Variants in CCDC180 observed in about 807,000 individuals in gnomAD.
The protein encoded by CCDC180 is coiled-coil domain containing 180, also known as coiled-coil domain-containing protein 180.
In CCDC180, 154 loss-of-function variants were observed where a neutral mutation model predicts 209.2. That is an observed-to-expected ratio of 0.74 (90% CI 0.65 to 0.84). CCDC180 has a LOEUF of 0.84. CCDC180 is among the 40% of genes least tolerant of loss of function. The probability of loss-of-function intolerance (pLI) is 0.00; values close to 1 mark genes in which losing one functional copy is unlikely to be tolerated. For missense variants in CCDC180, 1,874 were observed against 1,997.3 expected (o/e 0.94, Z 1.18); for synonymous variants, 778 against 749.1 (o/e 1.04, Z -0.63).
intron 34 of CCDC180, chr9:97,374,180 C>T: frequency 5.2e-6 from 1 of 193,762 alleles, no homozygotes; most frequent in Non-Finnish European, 1.1e-5. Flanking sequence ...CGTGTTTGTT[C>T]CAGGGGAGGT....
At chr9:97,345,291 G>A (rs899134852) in intron 19 of CCDC180, among the ~76,000 whole-genome samples, 1 of 152,202 alleles carries the variant, frequency 6.6e-6, no homozygotes, top group African/African-American at 2.4e-5. Flanking sequence ...GATACTACAA[G>A]GAGTTTTCAA....
rs572224361 is a variant in CCDC180, at chr9:97,370,979, C to T, written c.4488+201C>T. ...TTTTTTTTTTTTTTTTTTTTTGAGA[C>T]GGAGTCTCGCTCTGTCGCCCAGGCC... On this transcript the variant is annotated intron_variant, in intron 33 of 36. Transcript: ENST00000529487. 2.2e-5 allele frequency: 6 copies of T among 271,132 alleles called. No homozygotes were observed. In the Admixed American group the frequency reaches 3.6e-4, roughly 16 times the overall value. The allele number at this position is 271,132 out of a possible 1,614,324, so 16.8% of individuals were successfully genotyped here. A position where few individuals can be genotyped will look rare whatever the true frequency, so the allele number is the denominator to read the frequency against.
At chr9:97,373,770 G>T (rs1005266211) in intron 34 of CCDC180, 14 of 152,248 alleles carry the variant, frequency 9.2e-5, no homozygotes, top group Non-Finnish European at 7.3e-5. Context: ...CTGGATCAAA[G>T]TGTGTACAGA....
chr9:97,323,045 T>C (rs1202003425), intron 12 of CCDC180, 124 bp downstream of exon 12: 2 of 685,738 alleles, frequency 2.9e-6, no homozygotes, highest in African/African-American at 3.6e-5. Context: ...CCACACACCC[T>C]TTAGCCTCCA....
rs1024559073 is a variant in CCDC180, at chr9:97,359,884, C to T, written c.3364-98C>T. ...AGCCTCCATTAAGCCAAGAGGTATC[C>T]TCATCAGCCCAGCCCCTGTTCCCGC... On this transcript the variant is annotated intron_variant, in intron 25 of 36. Coordinates refer to ENST00000529487, the MANE Select transcript of CCDC180 (RefSeq NM_020893.6). 24 of 1,488,418 alleles carry T rather than the reference C, an allele frequency of 1.6e-5. No homozygotes were observed. The African/African-American group carries it at 2.8e-4, about 17-fold the overall frequency. The allele number at this position is 1,488,418 out of a possible 1,614,324, so 92.2% of individuals were successfully genotyped here.
At chr9:97,371,499 C>A in intron 33 of CCDC180, 96 bp from the exon 34 acceptor site, 1 of 681,416 alleles carries the variant, frequency 1.5e-6, no homozygotes, top group Non-Finnish European at 2.5e-6. Flanking sequence ...GCTTGGGTCC[C>A]CAGATCTCCC....
intron 26 of CCDC180, 53 bp from the exon 27 acceptor site, chr9:97,361,673 G>C (rs1826755982): frequency 2.5e-6 from 4 of 1,578,210 alleles, no homozygotes; most frequent in Non-Finnish European, 2.6e-6. Context: ...CTGCTGCCTC[G>C]CTGGCACCTG....
intron 19 of CCDC180, chr9:97,345,760 T>C (rs1291439003): frequency 8.6e-6 from 2 of 233,878 alleles, no homozygotes; most frequent in African/African-American, 4.7e-5. Flanking sequence ...CAAAAAAAAA[T>C]TAAATTATAT....
intron 24 of CCDC180, among the ~76,000 whole-genome samples, chr9:97,355,515 T>C (rs750829434): frequency 2.0e-5 from 3 of 152,230 alleles, no homozygotes; most frequent in Non-Finnish European, 4.4e-5. Context: ...TGCATCCTGC[T>C]AAGCAACTTA....
At chr9:97,340,814 G>A (rs758732998) in intron 18 of CCDC180, among the ~76,000 whole-genome samples, 7 of 152,094 alleles carry the variant, frequency 4.6e-5, no homozygotes, top group African/African-American at 1.2e-4. Context: ...CCCTTTCCCC[G>A]GGGGAGTTTA....
In CCDC180 at chr9:97,376,884, T is replaced by C. The variant is rs1827274375; in HGVS notation, c.4964T>C (p.Leu1655Pro). 4 of 1,611,676 alleles carry C rather than the reference T, an allele frequency of 2.5e-6. No individual in the cohort carries two copies. The highest frequency in any genetic ancestry group is 3.4e-6 in the Non-Finnish European group (4 of 1,179,628). ...CAGTCCCTGCACACTATCCAAGGCC[T>C]GTATGTGTGACCCTCCGCCCCACCA... is the stretch of plus-strand genomic sequence containing the variant. ...WKQSLHTIQGLYV is the reference protein window; with the variant it reads ...WKQSLHTIQGPYV Residue 1655 changes from leucine to proline, a missense_variant, in exon 37 of 37, where the codon CTG becomes CCG. Leu to Pro is a moderately conservative substitution (Grantham distance 98, BLOSUM62 -3). Coordinates refer to ENST00000529487, the MANE Select transcript of CCDC180 (RefSeq NM_020893.6).
intron 33 of CCDC180, 33 bp from the exon 34 acceptor site, chr9:97,371,562 C>T: frequency 7.0e-7 from 1 of 1,422,624 alleles, no homozygotes; most frequent in Non-Finnish European, 9.8e-7. Context: ...TGATCCTCTC[C>T]TAGCAGCACT....
intron 3 of CCDC180, among the ~76,000 whole-genome samples, chr9:97,311,058 G>A (rs951871055): frequency 6.6e-6 from 1 of 152,182 alleles, no homozygotes; most frequent in South Asian, 2.1e-4. Context: ...AAAGCAAAGG[G>A]TGCAGGTGTT....
chr9:97,374,316 C>A, intron 34 of CCDC180: 1 of 519,966 alleles, frequency 1.9e-6, no homozygotes, highest in Non-Finnish European at 3.4e-6. Flanking sequence ...GGAACAGCAC[C>A]CACACCACCG....
At chr9:97,355,034 G>A in intron 24 of CCDC180, 26 bp downstream of exon 24, 1 of 1,487,260 alleles carries the variant, frequency 6.7e-7, no homozygotes, top group Non-Finnish European at 9.4e-7. Flanking sequence ...TCTTCATCAA[G>A]GATCTTTATC....
At position 97,365,753 on chromosome 9, in the gene CCDC180, C is replaced by T. The variant is rs538953248; in HGVS notation, c.4047+14C>T. ...ACAGTCGCAGAGGTGAGGACCACCA[C>T]CCATGGCCTGTGCCTGCCCTGGAAA... is the stretch of plus-strand genomic sequence containing the variant. On this transcript the variant is annotated intron_variant, in intron 30 of 36. Transcript: ENST00000529487. 5 of 1,612,924 alleles carry T rather than the reference C, an allele frequency of 3.1e-6. No individual in the cohort carries two copies. The South Asian group carries it at 5.5e-5, about 18-fold the overall frequency.
intron 11 of CCDC180, 26 bp downstream of exon 11, chr9:97,320,231 C>G (rs749000593): frequency 1.3e-6 from 2 of 1,590,458 alleles, no homozygotes; most frequent in African/African-American, 2.7e-5. Flanking sequence ...AGGACTCCAC[C>G]TGCATTTCTC....
At chr9:97,358,078 G>C in intron 25 of CCDC180, 1 of 180,460 alleles carries the variant, frequency 5.5e-6, no homozygotes, top group Non-Finnish European at 1.1e-5. Flanking sequence ...GCAGGGCCCT[G>C]CCCCCTGAAC....
intron 18 of CCDC180, among the ~76,000 whole-genome samples, chr9:97,333,569 C>T (rs920092307): frequency 1.3e-4 from 15 of 113,890 alleles, no homozygotes; most frequent in African/African-American, 4.7e-4. Context: ...TTTTGGAGCT[C>T]ATTATTAGTC....
Sources: allele counts gnomAD v4.1 joint callset (sites outside exome capture counted in the v4.1 genomes callset), GRCh38; gene constraint gnomAD v4.1.1; transcripts MANE v1.5; gene names NCBI Gene and HGNC (gene_info 2026-07-23, HGNC 2026-07-21).